Variants in ZNF219 observed in about 807,000 individuals in gnomAD.
ZNF219 encodes zinc finger protein 219.
ZNF219 carries 17 observed loss-of-function variants against 54.4 expected under a neutral mutation model. The observed-to-expected ratio is 0.31, with a 90% confidence interval of 0.21 to 0.47. The LOEUF (loss-of-function observed/expected upper bound fraction) is 0.47, where lower values mean the gene tolerates loss of function less well. Ranked by LOEUF, ZNF219 falls within the 20% of genes least tolerant of loss-of-function variation. The probability of loss-of-function intolerance (pLI) is 1.00; values close to 1 mark genes in which losing one functional copy is unlikely to be tolerated. For missense variants in ZNF219, 1,014 were observed against 1,062.3 expected (o/e 0.95, Z 0.63); for synonymous variants, 518 against 476.4 (o/e 1.09, Z -1.14).
chr14:21,091,917 C>T lies in ZNF219; in HGVS notation c.1380G>A (p.Pro460=), dbSNP rs1374250950. 3.8e-6 allele frequency: 6 copies of T among 1,599,086 alleles called. No individual in the cohort carries two copies. The African/African-American group carries it at 5.4e-5, about 14-fold the overall frequency. The change falls in exon 3 of 5, where the codon CCG becomes CCA. Residue 460 remains proline (P), a synonymous_variant. Transcript: ENST00000360947. ...CCCCAGCAGCAGAGGCAGAGTGCCC[C>T]GGTCCCTCACCCGGGCGCGGGTGCA... ...ASLHPRPGEG[P]GHSASAAGAQ...
intron 4 of ZNF219, 34 bp from the exon 5 acceptor site, chr14:21,091,174 C>G: frequency 6.3e-7 from 1 of 1,582,766 alleles, no homozygotes; most frequent in African/African-American, 1.3e-5. Flanking sequence ...GTCACGGGGT[C>G]ACGATGACTG....
At chr14:21,103,160 G>A, upstream of ZNF219, 1 of 1,551,680 alleles carries the variant, frequency 6.4e-7, no homozygotes, top group Non-Finnish European at 8.7e-7. Context: ...GTTGGAAGAG[G>A]TTCCTGGTTT....
chr14:21,098,373 C>G lies in ZNF219; in HGVS notation c.-145G>C, dbSNP rs1234642466. 2.5e-5 allele frequency: 12 copies of G among 470,898 alleles called. No individual in the cohort carries two copies. Among genetic ancestry groups the G allele is most frequent in the Non-Finnish European group, 3.0e-5 (11 of 364,756 alleles). 29.2% of individuals were successfully genotyped at this position (470,898 alleles called of 1,614,324 possible). A position where few individuals can be genotyped will look rare whatever the true frequency, so the allele number is the denominator to read the frequency against. ...GGCGGCGGCGGCGGCGGGCGGCGGG[C>G]CGGCGGCGCGGGCGTCAGCGTTACG... On this transcript the variant is annotated 5_prime_UTR_variant, in exon 1 of 5. Coordinates refer to ENST00000360947, the MANE Select transcript of ZNF219 (RefSeq NM_016423.3).
At chr14:21,102,245 C>T (rs1889687943), upstream of ZNF219, 1 of 1,411,868 alleles carries the variant, frequency 7.1e-7, no homozygotes, top group South Asian at 1.4e-5. Context: ...TGACTGGCCT[C>T]AATCACTGAG....
rs1453784135 is a variant in ZNF219, at chr14:21,092,253, G to A, written c.1044C>T (p.Asp348=). The A allele has an allele frequency of 3.4e-6, 5 of 1,470,926 alleles. No homozygotes were observed. Among genetic ancestry groups the A allele is most frequent in the Non-Finnish European group, 3.6e-6 (4 of 1,114,848 alleles). 91.1% of individuals were successfully genotyped at this position (1,470,926 alleles called of 1,614,324 possible). A position where few individuals can be genotyped will look rare whatever the true frequency, so the allele number is the denominator to read the frequency against. ...ACGGCTCATAGGCCAGCAGGCCGAG[G>A]TCAGGAGGCTGGGGGGCGCGGGCAG... is the stretch of plus-strand genomic sequence containing the variant. ...SGPARAPQPP[D]LGLLAYEPLG... is the part of the protein sequence containing the mutation. Residue 348 remains aspartate (D), a synonymous_variant, in exon 3 of 5, where the codon GAC becomes GAT. Transcript: ENST00000360947.
At chr14:21,102,390 C>G (rs747587357), upstream of ZNF219, 4 of 1,551,450 alleles carry the variant, frequency 2.6e-6, no homozygotes, top group South Asian at 4.8e-5. Context: ...CAGGGCTGAG[C>G]TGGCTCACTG....
exon 1 of ZNF219, chr14:21,104,575 A>C (rs1040452086): frequency 2.6e-5 from 4 of 152,186 alleles, no homozygotes; most frequent in African/African-American, 9.6e-5. Flanking sequence ...CCACTTGAGA[A>C]GGCTTCTTTC....
upstream of ZNF219, chr14:21,103,565 A>C: frequency 3.3e-6 from 1 of 307,578 alleles, no homozygotes; most frequent in Non-Finnish European, 6.1e-6. Context: ...TCCACTCCAA[A>C]TCCCGGACCC....
intron 1 of ZNF219, chr14:21,093,947 G>A (rs1186889245): frequency 7.4e-6 from 3 of 402,826 alleles, no homozygotes; most frequent in East Asian, 5.6e-5. Context: ...CCACCCCCTG[G>A]CGGTGGGGAA....
At chr14:21,101,352 T>G, upstream of ZNF219, 1 of 1,551,478 alleles carries the variant, frequency 6.4e-7, no homozygotes, top group East Asian at 2.4e-5. Flanking sequence ...CCATGGAAGA[T>G]AGAGCTGGTG....
At chr14:21,091,564 G>A in intron 3 of ZNF219, 22 bp from the exon 4 acceptor site, 5 of 1,584,544 alleles carry the variant, frequency 3.2e-6, no homozygotes, top group East Asian at 2.3e-5. Flanking sequence ...ACGTTAAGAG[G>A]AAGTCAGGGG....
Position 21,094,729 on chromosome 14 carries a change from G to T in ZNF219, c.-83-1055C>A, listed in dbSNP as rs950301300. ...TTGAGAGGAAGAGGATAGGGGTTGG[G>T]GGGGGGGGCGGGTGCTGATCCTAAG... On this transcript the variant is annotated intron_variant, in intron 1 of 4. Transcript: ENST00000360947. Among the ~76,000 whole-genome samples the T allele has an allele frequency of 3.3e-5, 3 of 92,142 alleles. 1 individual carries two copies. The highest frequency in any genetic ancestry group is 7.2e-5 in the Non-Finnish European group (3 of 41,762). 60.4% of individuals were successfully genotyped at this position (92,142 alleles called of 152,430 possible). A position where few individuals can be genotyped will look rare whatever the true frequency, so the allele number is the denominator to read the frequency against.
At chr14:21,098,836 C>G (rs1023197904), upstream of ZNF219, 4 of 1,288,250 alleles carry the variant, frequency 3.1e-6, no homozygotes, top group Non-Finnish European at 4.0e-6. Flanking sequence ...CTCTGCCGCT[C>G]TTTCTGCCCC....
chr14:21,104,281 T>G (rs990747421), intron 1 of ZNF219: 1 of 152,290 alleles, frequency 6.6e-6, no homozygotes, highest in African/African-American at 2.4e-5. Flanking sequence ...AGGCTTGGCC[T>G]CTGGGCTGAC....
upstream of ZNF219, chr14:21,101,848 C>A: frequency 6.5e-7 from 1 of 1,548,176 alleles, no homozygotes; most frequent in South Asian, 1.2e-5. Context: ...CCCCAATTAC[C>A]CTACCCTTAC....
In ZNF219 at chr14:21,092,568, G is replaced by A. The variant is rs79837221; in HGVS notation, c.729C>T (p.Val243=). The A allele has an allele frequency of 0.019, 29,510 of 1,547,406 alleles. 365 individuals are homozygous for A. The highest frequency in any genetic ancestry group is 0.022 in the Non-Finnish European group (25,265 of 1,146,410). Residue 243 remains valine (V), a synonymous_variant, in exon 3 of 5, where the codon GTC becomes GTT. Transcript: ENST00000360947. The part of the protein sequence containing the change: ...QPPPQPEPRS[V]PQPEPEPEPE... ...GCTCCGGCTCCGGCTCCGGCTGGGG[G>A]ACTGATCTGGGTTCGGGCTGGGGTG...
chr14:21,092,828 C>A lies in ZNF219; in HGVS notation c.469G>T (p.Ala157Ser), dbSNP rs373976322. 3.8e-6 allele frequency: 6 copies of A among 1,572,342 alleles called. No individual in the cohort carries two copies. The African/African-American group carries it at 4.1e-5, about 11-fold the overall frequency. ...PATEGLARPQAPSSSAFRCPY... is the reference protein window; with the variant it reads ...PATEGLARPQSPSSSAFRCPY... ...CAACGGAAGGCGGACGATGAAGGAG[C>A]CTGGGGCCGCGCCAGACCCTCAGTG... The change falls in exon 3 of 5, where the codon GCT becomes TCT. Residue 157 changes from alanine to serine, a missense_variant. Physicochemically the swap from Ala to Ser is moderately conservative, Grantham distance 99. Transcript: ENST00000360947.
upstream of ZNF219, chr14:21,102,253 G>A (rs1889688331): frequency 3.6e-6 from 5 of 1,402,720 alleles, no homozygotes; most frequent in Admixed American, 4.5e-5. Flanking sequence ...CTCAATCACT[G>A]AGGAGGAAAG....
Position 21,096,179 on chromosome 14 carries a change from A to C in ZNF219, c.-84+2133T>G, listed in dbSNP as rs566136417. Among the ~76,000 whole-genome samples, 7 of 152,320 alleles carry C rather than the reference A, an allele frequency of 4.6e-5. No individual in the cohort carries two copies. The South Asian group carries it at 1.5e-3, about 32-fold the overall frequency. Reference sequence around the variant, plus strand: ...TCTTAGGAAGCTGGCCTCATATCTGAGGCAAGAAGAGTCAGAAAAGGGCAA... The same window carrying C: ...TCTTAGGAAGCTGGCCTCATATCTGCGGCAAGAAGAGTCAGAAAAGGGCAA... On this transcript the variant is annotated intron_variant, in intron 1 of 4. Coordinates refer to ENST00000360947, the MANE Select transcript of ZNF219 (RefSeq NM_016423.3).
Sources: gnomAD v4.1 joint callset for allele counts (sites outside exome capture counted in the v4.1 genomes callset) on GRCh38, gnomAD v4.1.1 for gene constraint, MANE v1.5 for transcripts, NCBI Gene and HGNC (gene_info 2026-07-23, HGNC 2026-07-21) for gene names.